Variants in ZRANB3 observed in about 807,000 individuals in gnomAD.
ZRANB3 encodes DNA annealing helicase and endonuclease ZRANB3.
ZRANB3 carries 125 observed loss-of-function variants against 133.8 expected under a neutral mutation model. That is an observed-to-expected ratio of 0.93 (90% CI 0.81 to 1.08). The LOEUF is 1.08. Among genes scored for constraint, ZRANB3 ranks in the 50% least tolerant of loss-of-function variants. The pLI is 0.00. For missense variants in ZRANB3, 1,229 were observed against 1,275.5 expected, an observed-to-expected ratio of 0.96 and a Z score of 0.56; for synonymous variants, 387 against 432.7, an observed-to-expected ratio of 0.89 and a Z score of 1.31.
At chr2:135,393,768 C>G (rs1687350976) in intron 2 of ZRANB3, among the ~76,000 whole-genome samples, 1 of 152,136 alleles carries the variant, frequency 6.6e-6, no homozygotes, top group African/African-American at 2.4e-5. Flanking sequence ...AAAGAGAAAA[C>G]TAGGACTGGT....
At chr2:135,414,648 T>C (rs1023246429) in intron 2 of ZRANB3, among the ~76,000 whole-genome samples, 1 of 152,220 alleles carries the variant, frequency 6.6e-6, no homozygotes. Flanking sequence ...CAACAGAATA[T>C]ACATTTTTTT....
chr2:135,470,076 G>C (rs1691187430), intron 2 of ZRANB3, among the ~76,000 whole-genome samples: 1 of 150,640 alleles, frequency 6.6e-6, no homozygotes, highest in Non-Finnish European at 1.5e-5. Context: ...TGTAATCCCA[G>C]CACTTTGGGA....
intron 6 of ZRANB3, among the ~76,000 whole-genome samples, chr2:135,340,994 A>G (rs1012447699): frequency 8.7e-6 from 1 of 115,450 alleles, no homozygotes; most frequent in Admixed American, 9.6e-5. Context: ...TAGAAATATT[A>G]TTTGTGTAGA....
At chr2:135,210,931 A>G (rs1000062384) in intron 17 of ZRANB3, among the ~76,000 whole-genome samples, 1 of 152,202 alleles carries the variant, frequency 6.6e-6, no homozygotes, top group South Asian at 2.1e-4. Context: ...CAGGAGGCTG[A>G]GGCAGGAGAA....
chr2:135,414,720 C>G (rs942579155), intron 2 of ZRANB3, among the ~76,000 whole-genome samples: 2 of 152,088 alleles, frequency 1.3e-5, no homozygotes, highest in Non-Finnish European at 2.9e-5. Context: ...CTCTCCTCAG[C>G]AAATGTAAAA....
chr2:135,275,339 G>T (rs963371129), intron 9 of ZRANB3, among the ~76,000 whole-genome samples: 2 of 100,388 alleles, frequency 2.0e-5, no homozygotes, highest in African/African-American at 8.1e-5. Context: ...CTGGCCAGGC[G>T]GGGGCTGACC....
intron 7 of ZRANB3, among the ~76,000 whole-genome samples, chr2:135,314,003 T>C (rs1194577995): frequency 6.6e-6 from 1 of 152,208 alleles, no homozygotes; most frequent in Non-Finnish European, 1.5e-5. Context: ...TAGCTTGGAT[T>C]ACAGGCATGC....
At chr2:135,495,685 T>C (rs1315691452) in intron 2 of ZRANB3, among the ~76,000 whole-genome samples, 1 of 152,200 alleles carries the variant, frequency 6.6e-6, no homozygotes, top group Non-Finnish European at 1.5e-5. Flanking sequence ...ACCAAGTAAC[T>C]ATAAAAAATA....
At chr2:135,467,496 C>T (rs1274243233) in intron 2 of ZRANB3, among the ~76,000 whole-genome samples, 1 of 152,200 alleles carries the variant, frequency 6.6e-6, no homozygotes, top group Non-Finnish European at 1.5e-5. Flanking sequence ...CATCTCTGCC[C>T]TCCCAGGGGG....
chr2:135,284,573 G>A (rs552097475), intron 8 of ZRANB3, among the ~76,000 whole-genome samples: 2 of 152,310 alleles, frequency 1.3e-5, no homozygotes, highest in Non-Finnish European at 2.9e-5. Context: ...CCGGGTTCAC[G>A]CCATTCTCCT....
At chr2:135,321,707 T>C (rs1683535612) in intron 6 of ZRANB3, among the ~76,000 whole-genome samples, 1 of 152,174 alleles carries the variant, frequency 6.6e-6, no homozygotes, top group Admixed American at 6.5e-5. Flanking sequence ...CTCGAACTCC[T>C]GACCTCAGGT....
Position 135,398,705 on chromosome 2 carries a change from A to C in ZRANB3, c.162-7885T>G, listed in dbSNP as rs1329267571. ...AGCTAATTTTTTTTTTTGTATTTTT[A>C]GTAGAGACGGGGTTTCACTGTGTTA... On this transcript the variant is annotated intron_variant, in intron 2 of 20. Coordinates refer to ENST00000264159, the MANE Select transcript of ZRANB3 (RefSeq NM_032143.4). Among the ~76,000 whole-genome samples the C allele has an allele frequency of 3.3e-5, 5 of 149,648 alleles. No individual in the cohort carries two copies. In the East Asian group the frequency reaches 1.0e-3, roughly 30 times the overall value.
chr2:135,321,373 T>C (rs1377236043), intron 6 of ZRANB3, among the ~76,000 whole-genome samples: 1 of 152,204 alleles, frequency 6.6e-6, no homozygotes, highest in Non-Finnish European at 1.5e-5. Context: ...CATTTTTTCA[T>C]GTGCTTATTT....
At position 135,230,915 on chromosome 2, in the gene ZRANB3, T is replaced by C; in HGVS notation, c.1552A>G (p.Lys518Glu). Residue 518 changes from lysine (K) to glutamate (E), a missense_variant, in exon 13 of 21, where the codon AAA (lysine) becomes GAA (glutamate). Coordinates refer to ENST00000264159, the MANE Select transcript of ZRANB3 (RefSeq NM_032143.4). The stretch of plus-strand genomic sequence containing the variant: ...AAAAATGATCGAATATCATGCTGTT[T>C]TTCTTTTTCGAACTAGGAAAAGCAA... Reference protein sequence around the residue: ...EALFTHFEKEKQHDIRSFFVP... With the variant: ...EALFTHFEKEEQHDIRSFFVP... 6.5e-7 allele frequency: 1 copy of C among 1,550,206 alleles called. No individual in the cohort carries two copies. Among genetic ancestry groups the C allele is most frequent in the Non-Finnish European group, 8.7e-7 (1 of 1,150,586 alleles).
chr2:135,338,734 T>G (rs1465279887), intron 6 of ZRANB3, among the ~76,000 whole-genome samples: 1 of 152,258 alleles, frequency 6.6e-6, no homozygotes, highest in Non-Finnish European at 1.5e-5. Context: ...TACAACTAGT[T>G]GTTATCCAAT....
In ZRANB3 at chr2:135,494,512, G is replaced by C. The variant is rs962363559; in HGVS notation, c.161+9817C>G. On this transcript the variant is annotated intron_variant, in intron 2 of 20. Coordinates refer to ENST00000264159, the MANE Select transcript of ZRANB3 (RefSeq NM_032143.4). ...TCATCTATGTATGCTAAATCCAAGA[G>C]AGGGAAAATCAGAGAAGGAGCAGCA... is the stretch of plus-strand genomic sequence containing the variant. Among the ~76,000 whole-genome samples, 6 of 152,250 alleles carry C rather than the reference G, an allele frequency of 3.9e-5. 1 individual carries two copies. The South Asian group carries it at 1.2e-3, about 32-fold the overall frequency.
chr2:135,285,990 T>G (rs1174863915), intron 8 of ZRANB3, among the ~76,000 whole-genome samples: 1 of 152,260 alleles, frequency 6.6e-6, no homozygotes, highest in African/African-American at 2.4e-5. Flanking sequence ...TAGTTGACTT[T>G]GTACTGGTAA....
intron 18 of ZRANB3, among the ~76,000 whole-genome samples, 172 bp downstream of exon 18, chr2:135,208,696 C>T (rs1693980161): frequency 6.6e-6 from 1 of 152,194 alleles, no homozygotes; most frequent in Admixed American, 6.5e-5. Flanking sequence ...AAAATGAGGA[C>T]ACCAGGTACC....
intron 2 of ZRANB3, among the ~76,000 whole-genome samples, chr2:135,451,159 C>T (rs1303920621): frequency 2.6e-5 from 4 of 152,154 alleles, no homozygotes; most frequent in Non-Finnish European, 4.4e-5. Flanking sequence ...AGGATCAAAC[C>T]GTTTCTAAGT....
Sources: gnomAD v4.1 joint callset for allele counts (sites outside exome capture counted in the v4.1 genomes callset) on GRCh38, gnomAD v4.1.1 for gene constraint, MANE v1.5 for transcripts, NCBI Gene and HGNC (gene_info 2026-07-23, HGNC 2026-07-21) for gene names.